Variants in ATP9A observed in about 807,000 individuals in gnomAD.
The protein encoded by ATP9A is probable phospholipid-transporting ATPase IIA.
A neutral mutation model predicts 144.1 loss-of-function variants in ATP9A; 52 were observed. The ratio of observed to expected loss-of-function variants is 0.36; its 90% confidence interval spans 0.29 to 0.45. The LOEUF is 0.45. Ranked by LOEUF, ATP9A falls within the 20% of genes least tolerant of loss-of-function variation. The probability of loss-of-function intolerance (pLI) is 1.00; values close to 1 mark genes in which losing one functional copy is unlikely to be tolerated. For synonymous variants in ATP9A, 582 were observed against 557.4 expected, an observed-to-expected ratio of 1.04 and a Z score of -0.62; for missense variants, 947 against 1,392.7, an observed-to-expected ratio of 0.68 and a Z score of 5.09.
intron 4 of ATP9A, among the ~76,000 whole-genome samples, chr20:51,702,223 T>C (rs1352285753): frequency 6.8e-6 from 1 of 148,132 alleles, no homozygotes; most frequent in African/African-American, 2.5e-5. Context: ...CGCTTGAACC[T>C]GCAAAGGCGG....
intron 19 of ATP9A, 62 bp downstream of exon 19, chr20:51,622,012 A>G: frequency 1.4e-6 from 2 of 1,431,834 alleles, no homozygotes; most frequent in Non-Finnish European, 2.0e-6. Context: ...ACTCAAGGTT[A>G]GGAGGTTATA....
intron 13 of ATP9A, among the ~76,000 whole-genome samples, chr20:51,663,869 G>C (rs1310806398): frequency 1.3e-5 from 2 of 151,298 alleles, no homozygotes; most frequent in Non-Finnish European, 2.9e-5. Flanking sequence ...AAAGTAAGAA[G>C]AACGCTCTCT....
chr20:51,760,572 C>T (rs1482096712), intron 1 of ATP9A, among the ~76,000 whole-genome samples: 1 of 151,744 alleles, frequency 6.6e-6, no homozygotes, highest in Non-Finnish European at 1.5e-5. Context: ...ACTAAAACTA[C>T]AAAAATTAGC....
Position 51,607,415 on chromosome 20 carries a change from C to T in ATP9A, c.2803+112G>A, listed in dbSNP as rs1285329357. 8 of 986,772 alleles carry T rather than the reference C, an allele frequency of 8.1e-6. No homozygotes were observed. In the South Asian group the frequency reaches 1.1e-4, roughly 13 times the overall value. 61.1% of individuals were successfully genotyped at this position (986,772 alleles called of 1,614,324 possible). A position where few individuals can be genotyped will look rare whatever the true frequency, so the allele number is the denominator to read the frequency against. On this transcript the variant is annotated intron_variant, in intron 26 of 27. Transcript: ENST00000338821. ...CTCCCCTGGGTCCCACTGCCACCCTCCTTCCTGCTATTTCAGATTCGTTTC... is the reference window on the plus strand; with the variant it reads ...CTCCCCTGGGTCCCACTGCCACCCTTCTTCCTGCTATTTCAGATTCGTTTC...
intron 1 of ATP9A, among the ~76,000 whole-genome samples, chr20:51,763,438 G>C (rs2077890440): frequency 6.6e-6 from 1 of 151,188 alleles, no homozygotes; most frequent in Non-Finnish European, 1.5e-5. Flanking sequence ...TCAGCCTCCT[G>C]AGTAGCTGGG....
At chr20:51,678,925 A>G (rs759712568) in intron 9 of ATP9A, among the ~76,000 whole-genome samples, 1 of 152,026 alleles carries the variant, frequency 6.6e-6, no homozygotes, top group Non-Finnish European at 1.5e-5. Flanking sequence ...GAGACCACCA[A>G]CCGGAGAGGA....
intron 9 of ATP9A, among the ~76,000 whole-genome samples, chr20:51,678,314 C>G (rs1000529840): frequency 2.0e-5 from 3 of 152,116 alleles, no homozygotes; most frequent in African/African-American, 7.2e-5. Context: ...CTCTCTCCCC[C>G]TCACTCTCAG....
chr20:51,765,642 C>CAAAAA (rs1164927794), intron 1 of ATP9A, among the ~76,000 whole-genome samples: 6 of 110,548 alleles, frequency 5.4e-5, no homozygotes, highest in Non-Finnish European at 7.3e-5. Flanking sequence ...AGCTACATCT[C>CAAAAA]AAAAAAAAAA....
At position 51,649,908 on chromosome 20, in the gene ATP9A, G is replaced by A. The variant is rs1035269284; in HGVS notation, c.1506+7030C>T. 1.8e-4 allele frequency among the ~76,000 whole-genome samples: 20 copies of A among 112,688 alleles called. 1 individual carries two copies. In the East Asian group the frequency reaches 1.9e-3, roughly 10 times the overall value. 73.9% of individuals were successfully genotyped at this position (112,688 alleles called of 152,430 possible). ...AGCCTGGGCAGCAGAGCGAGAATCC[G>A]TCTCAAAAAAAAAAAAAAAAAATCA... is the stretch of plus-strand genomic sequence containing the variant. On this transcript the variant is annotated intron_variant, in intron 14 of 27. Coordinates refer to ENST00000338821, the MANE Select transcript of ATP9A (RefSeq NM_006045.3).
rs1250238408 is a variant in ATP9A at position 51,596,727 on chromosome 20, T to G, written c.*4484A>C. On this transcript the variant is annotated 3_prime_UTR_variant, in exon 28 of 28. Transcript: ENST00000338821. ...AGCGTTATAATAAAAAGTCCTCATT[T>G]TGATACCAGAATTCATGTTTCTGTA... 6.6e-6 allele frequency: 1 copy of G among 152,210 alleles called. No individual in the cohort carries two copies. Among genetic ancestry groups the G allele is most frequent in the Non-Finnish European group, 1.5e-5 (1 of 68,042 alleles). The allele number at this position is 152,210 out of a possible 1,614,324, so 9.4% of individuals were successfully genotyped here.
intron 6 of ATP9A, 31 bp from the exon 7 acceptor site, chr20:51,694,133 C>T (rs1268693581): frequency 1.0e-5 from 16 of 1,573,170 alleles, no homozygotes; most frequent in Non-Finnish European, 1.4e-5. Context: ...CCGTCACCTG[C>T]ACCTCAAGCA....
chr20:51,695,093 C>T (rs970318587), intron 6 of ATP9A, among the ~76,000 whole-genome samples: 5 of 132,016 alleles, frequency 3.8e-5, no homozygotes, highest in Admixed American at 8.1e-5. Context: ...CAAAGGAATA[C>T]GAATGTAAAT....
chr20:51,724,789 G>A (rs1015599584), intron 3 of ATP9A, among the ~76,000 whole-genome samples: 1 of 152,170 alleles, frequency 6.6e-6, no homozygotes, highest in African/African-American at 2.4e-5. Flanking sequence ...GGGGCTACTC[G>A]GTTCTGCTAC....
chr20:51,749,532 G>A (rs1423190334), intron 1 of ATP9A, among the ~76,000 whole-genome samples: 1 of 152,156 alleles, frequency 6.6e-6, no homozygotes, highest in Non-Finnish European at 1.5e-5. Context: ...CCAAAGTGCT[G>A]GGATTATAGG....
intron 14 of ATP9A, among the ~76,000 whole-genome samples, chr20:51,643,061 C>T (rs191773660): frequency 1.0e-3 from 153 of 152,270 alleles, no homozygotes; most frequent in African/African-American, 3.6e-3. Flanking sequence ...TTTATGCATC[C>T]TTAGTCTACT....
At chr20:51,744,409 A>T (rs1601141314) in intron 1 of ATP9A, among the ~76,000 whole-genome samples, 1 of 152,160 alleles carries the variant, frequency 6.6e-6, no homozygotes, top group African/African-American at 2.4e-5. Flanking sequence ...CAGGTGATAC[A>T]CCTGCCTCAG....
intron 8 of ATP9A, among the ~76,000 whole-genome samples, chr20:51,690,264 C>CA (rs1195271958): frequency 2.6e-5 from 4 of 151,610 alleles, no homozygotes; most frequent in Admixed American, 2.6e-4. Flanking sequence ...ACTAAAAATA[C>CA]AAAAAATTAG....
chr20:51,747,101 T>TTG (rs1555844825), intron 1 of ATP9A, among the ~76,000 whole-genome samples: 5 of 88,064 alleles, frequency 5.7e-5, no homozygotes, highest in African/African-American at 1.2e-4. Context: ...GTTTTTCGTT[T>TTG]TTTTTTTTTT....
intron 19 of ATP9A, among the ~76,000 whole-genome samples, chr20:51,621,423 C>T (rs1248350348): frequency 2.0e-5 from 3 of 152,136 alleles, no homozygotes; most frequent in Non-Finnish European, 2.9e-5. Context: ...GCCATCGTGG[C>T]TCTGGTTTCA....
Sources: gnomAD v4.1 joint callset for allele counts (sites outside exome capture counted in the v4.1 genomes callset) on GRCh38, gnomAD v4.1.1 for gene constraint, MANE v1.5 for transcripts, NCBI Gene and HGNC (gene_info 2026-07-23, HGNC 2026-07-21) for gene names.